The following MTMR1 variants were observed in gnomAD, a reference collection of about 807,000 sequenced individuals.
MTMR1 encodes the protein myotubularin related protein 1.
MTMR1 carries 17 observed loss-of-function variants against 51.6 expected under a neutral mutation model. The observed-to-expected ratio is 0.33, with a 90% CI of 0.23 to 0.49. The LOEUF (loss-of-function observed/expected upper bound fraction) is 0.49, where lower values mean the gene tolerates loss of function less well. MTMR1 is among the 20% of genes least tolerant of loss of function. MTMR1 has a pLI of 0.99. For synonymous variants in MTMR1, 201 were observed against 205.6 expected (o/e 0.98, Z 0.19); for missense variants, 386 against 526.9 (o/e 0.73, Z 2.62).
At position 150,762,700 on chromosome X, in the gene MTMR1, TCCG is replaced by T. The variant is rs782505584; in HGVS notation, c.1996_1998del (p.Ala666del). 4 of 1,177,490 alleles carry T rather than the reference TCCG, an allele frequency of 3.4e-6. No homozygotes were observed. ...TGAGCGGGGCTCCTCGCCCTCCCAC[TCCG>T]CCACCTCCGTCCACACCTCGGTCTG... On this transcript the variant is annotated inframe_deletion, in exon 16 of 16. Transcript: ENST00000445323.
Position 150,712,785 on chromosome X carries a change from C to T in MTMR1, c.276+420C>T, listed in dbSNP as rs2041359456. 10 of 215,220 alleles carry T rather than the reference C, an allele frequency of 4.6e-5. No individual in the cohort carries two copies. The South Asian group carries it at 8.3e-4, about 18-fold the overall frequency. 17.7% of individuals were successfully genotyped at this position (215,220 alleles called of 1,213,427 possible). Reference sequence around the variant, plus strand: ...TGGCTGTCCTATCTAAGTAAGATTTCAAGTCATGTTTGTGTTTGCATGTTG... The same window carrying T: ...TGGCTGTCCTATCTAAGTAAGATTTTAAGTCATGTTTGTGTTTGCATGTTG... On this transcript the variant is annotated intron_variant, in intron 3 of 15. Coordinates refer to ENST00000445323, the MANE Select transcript of MTMR1 (RefSeq NM_001306144.3).
chrX:150,739,165 A>G (rs1339908708), intron 12 of MTMR1, among the ~76,000 whole-genome samples: 5 of 112,359 alleles, frequency 4.5e-5, no homozygotes, highest in African/African-American at 1.6e-4. Flanking sequence ...GAGAGAAGGG[A>G]CAAGTCCGCA....
intron 1 of MTMR1, among the ~76,000 whole-genome samples, chrX:150,696,666 T>C (rs1486658574): frequency 9.0e-6 from 1 of 110,781 alleles, no homozygotes; most frequent in African/African-American, 3.3e-5. Context: ...ACAGGCACAG[T>C]TGAGGTCAGG....
intron 3 of MTMR1, among the ~76,000 whole-genome samples, chrX:150,715,887 A>G (rs1385191628): frequency 1.8e-5 from 2 of 112,666 alleles, no homozygotes; most frequent in African/African-American, 3.2e-5. Context: ...CAAACTTGAC[A>G]TGACTATGGG....
chrX:150,699,127 A>G, intron 1 of MTMR1, 68 bp from the exon 2 acceptor site: 2 of 635,476 alleles, frequency 3.1e-6, no homozygotes, highest in African/African-American at 2.2e-5. Flanking sequence ...TCATATTCCT[A>G]TTCAGTGCTA....
intron 13 of MTMR1, among the ~76,000 whole-genome samples, chrX:150,748,099 T>A (rs2042626571): frequency 9.0e-6 from 1 of 110,790 alleles, no homozygotes; most frequent in Admixed American, 9.6e-5. Context: ...ACAAGAGAGC[T>A]CTCTTGGGCT....
At chrX:150,705,772 GA>G (rs1264945903) in intron 2 of MTMR1, among the ~76,000 whole-genome samples, 1 of 111,817 alleles carries the variant, frequency 8.9e-6, no homozygotes, top group Non-Finnish European at 1.9e-5. Flanking sequence ...AAGGAAGAAA[GA>G]ACACAGTAAG....
At chrX:150,731,047 A>G (rs1418366544) in intron 8 of MTMR1, among the ~76,000 whole-genome samples, 2 of 111,979 alleles carry the variant, frequency 1.8e-5, no homozygotes, top group African/African-American at 6.5e-5. Context: ...TCTTATTTTC[A>G]TGACGTTTGT....
intron 4 of MTMR1, among the ~76,000 whole-genome samples, chrX:150,722,921 A>G (rs2041798169): frequency 9.2e-6 from 1 of 108,875 alleles, no homozygotes; most frequent in Non-Finnish European, 1.9e-5. Context: ...TTACATATGT[A>G]TACATGTGCC....
chrX:150,708,419 GAAGTT>G (rs1383324642), intron 2 of MTMR1, among the ~76,000 whole-genome samples: 1 of 110,907 alleles, frequency 9.0e-6, no homozygotes, highest in Non-Finnish European at 1.9e-5. Flanking sequence ...AAAGATGTTA[GAAGTT>G]AACTATTGTG....
chrX:150,713,607 G>A (rs1420678467), intron 3 of MTMR1, among the ~76,000 whole-genome samples: 3 of 111,144 alleles, frequency 2.7e-5, no homozygotes, highest in Non-Finnish European at 3.8e-5. Flanking sequence ...TTTTAGCCTC[G>A]GAGACTTGAT....
chrX:150,733,666 C>G (rs1419744028), intron 10 of MTMR1, among the ~76,000 whole-genome samples: 1 of 111,334 alleles, frequency 9.0e-6, no homozygotes, highest in Non-Finnish European at 1.9e-5. Context: ...GTTACTTAAC[C>G]TCTCTCTGTG....
At chrX:150,700,437 A>T (rs1455662915) in intron 2 of MTMR1, among the ~76,000 whole-genome samples, 1 of 112,404 alleles carries the variant, frequency 8.9e-6, no homozygotes, top group Non-Finnish European at 1.9e-5. Context: ...ATAGCTGTGG[A>T]TTAGCAGAAA....
chrX:150,731,178 C>A (rs1365632111), intron 8 of MTMR1, among the ~76,000 whole-genome samples: 2 of 111,945 alleles, frequency 1.8e-5, no homozygotes, highest in African/African-American at 6.5e-5. Flanking sequence ...AATAACAGAG[C>A]TCATTATTTA....
chrX:150,701,060 T>A (rs1557415915), intron 2 of MTMR1, among the ~76,000 whole-genome samples: 3 of 112,568 alleles, frequency 2.7e-5, no homozygotes, highest in Admixed American at 9.4e-5. Context: ...AGTTCCTACA[T>A]CAGATCATAG....
chrX:150,758,470 C>T (rs2042971644), intron 15 of MTMR1, among the ~76,000 whole-genome samples: 2 of 112,312 alleles, frequency 1.8e-5, no homozygotes, highest in South Asian at 7.3e-4. Context: ...CTGGCATCAA[C>T]TTAGCTTCCT....
At chrX:150,701,733 T>A (rs900085196) in intron 2 of MTMR1, among the ~76,000 whole-genome samples, 2 of 112,165 alleles carry the variant, frequency 1.8e-5, no homozygotes, top group Admixed American at 9.4e-5. Context: ...TAGTCTCAGC[T>A]ACTTGGAAGG....
In MTMR1 at chrX:150,744,381, C is replaced by G; in HGVS notation, c.1494C>G (p.Asp498Glu). Residue 498 changes from aspartate to glutamate, a missense_variant, in exon 13 of 16, where the codon GAC (aspartate) becomes GAG (glutamate). By Grantham distance (45) the Asp-to-Glu change is conservative. Coordinates refer to ENST00000445323, the MANE Select transcript of MTMR1 (RefSeq NM_001306144.3). ...RFALRVGHGN[D>E]NHADADRSPI... ...TTCAGCGAGTGGGCCATGGTAATGA[C>G]AACCATGCGGATGCTGACCGATCTC... 8.3e-7 allele frequency: 1 copy of G among 1,209,937 alleles called. No homozygotes were observed. The highest frequency in any genetic ancestry group is 1.1e-6 in the Non-Finnish European group (1 of 893,949).
At chrX:150,702,301 C>T (rs1363001323) in intron 2 of MTMR1, among the ~76,000 whole-genome samples, 1 of 110,449 alleles carries the variant, frequency 9.1e-6, no homozygotes, top group Non-Finnish European at 1.9e-5. Context: ...AATGCAGCTT[C>T]CCGGGCTCCA....
Sources: allele counts gnomAD v4.1 joint callset (sites outside exome capture counted in the v4.1 genomes callset), GRCh38; gene constraint gnomAD v4.1.1; transcripts MANE v1.5; gene names NCBI Gene and HGNC (gene_info 2026-07-23, HGNC 2026-07-21).